Variants in GRIN2A observed in about 807,000 individuals in gnomAD.
GRIN2A encodes glutamate ionotropic receptor NMDA type subunit 2A, also known as glutamate receptor ionotropic, NMDA 2A.
In GRIN2A, 22 loss-of-function variants were observed where a neutral mutation model predicts 113.4. The observed-to-expected ratio is 0.19, with a 90% CI of 0.14 to 0.28. GRIN2A has a LOEUF of 0.28. Among genes scored for constraint, GRIN2A ranks in the 10% least tolerant of loss-of-function variants. The pLI, the probability that GRIN2A is intolerant of heterozygous loss-of-function variation, is 1.00. For synonymous variants in GRIN2A, 827 were observed against 738.4 expected, an observed-to-expected ratio of 1.12 and a Z score of -1.94; for missense variants, 1,502 against 1,887.0, an observed-to-expected ratio of 0.80 and a Z score of 3.78.
chr16:9,914,611 T>C (rs572265473), intron 3 of GRIN2A, among the ~76,000 whole-genome samples: 1 of 152,160 alleles, frequency 6.6e-6, no homozygotes, highest in Non-Finnish European at 1.5e-5. Context: ...GGCTCAGAAG[T>C]TAGGCTTATT....
At chr16:9,821,077 C>T (rs373685391) in intron 10 of GRIN2A, among the ~76,000 whole-genome samples, 8 of 152,034 alleles carry the variant, frequency 5.3e-5, no homozygotes, top group Middle Eastern at 3.2e-3. Flanking sequence ...TCTGTCTCCC[C>T]CTACCAGACA....
At chr16:9,982,125 C>T (rs758124800) in intron 2 of GRIN2A, among the ~76,000 whole-genome samples, 5 of 152,080 alleles carry the variant, frequency 3.3e-5, no homozygotes, top group African/African-American at 7.2e-5. Context: ...TATTTCATTG[C>T]ATTTTTGGTT....
At chr16:9,969,858 G>A (rs890798062) in intron 2 of GRIN2A, among the ~76,000 whole-genome samples, 1 of 152,216 alleles carries the variant, frequency 6.6e-6, no homozygotes, top group African/African-American at 2.4e-5. Flanking sequence ...GAATTCCACT[G>A]CTGAACAACT....
intron 5 of GRIN2A, among the ~76,000 whole-genome samples, chr16:9,842,983 G>T (rs1359855204): frequency 7.0e-6 from 1 of 142,750 alleles, no homozygotes; most frequent in Non-Finnish European, 1.5e-5. Flanking sequence ...AAGAAAGAAA[G>T]AAAGAAAGAA....
chr16:9,920,905 T>G (rs1292333390), intron 3 of GRIN2A, among the ~76,000 whole-genome samples: 4 of 152,192 alleles, frequency 2.6e-5, no homozygotes, highest in Non-Finnish European at 5.9e-5. Context: ...CTTTCTACCT[T>G]TTATTTCCTT....
rs565023102 is a variant in GRIN2A at position 10,146,219 on chromosome 16, G to A, written c.414+33779C>T. On this transcript the variant is annotated intron_variant, in intron 2 of 12. Coordinates refer to ENST00000330684, the MANE Select transcript of GRIN2A (RefSeq NM_001134407.3). ...TGCAACCTCCACCTCCCGGGTTCAAGCAATTCTCCTGCCTCAGCCTCCTGA... is the reference window on the plus strand; with the variant it reads ...TGCAACCTCCACCTCCCGGGTTCAAACAATTCTCCTGCCTCAGCCTCCTGA... 4.6e-5 allele frequency among the ~76,000 whole-genome samples: 7 copies of A among 152,264 alleles called. No homozygotes were observed. In the East Asian group the frequency reaches 1.4e-3, roughly 29 times the overall value.
chr16:10,143,452 A>C (rs539393707), intron 2 of GRIN2A, among the ~76,000 whole-genome samples: 3 of 152,310 alleles, frequency 2.0e-5, no homozygotes, highest in African/African-American at 7.2e-5. Context: ...AATGAAGCTT[A>C]AGTAGGTATT....
chr16:9,896,283 A>C (rs891842918), intron 3 of GRIN2A, among the ~76,000 whole-genome samples: 3 of 152,192 alleles, frequency 2.0e-5, no homozygotes, highest in African/African-American at 7.2e-5. Flanking sequence ...TCCTGACATC[A>C]AATGATCCAC....
chr16:9,926,744 G>A (rs768699570), intron 3 of GRIN2A, among the ~76,000 whole-genome samples: 1 of 152,156 alleles, frequency 6.6e-6, no homozygotes, highest in Non-Finnish European at 1.5e-5. Flanking sequence ...GGACTAAGGT[G>A]TACTGCGCAG....
At chr16:10,054,033 A>G (rs1567265552) in intron 2 of GRIN2A, among the ~76,000 whole-genome samples, 1 of 152,340 alleles carries the variant, frequency 6.6e-6, no homozygotes, top group East Asian at 1.9e-4. Flanking sequence ...ACATCCATAA[A>G]TGGATATATT....
rs574756676 is a variant in GRIN2A at position 9,968,559 on chromosome 16, C to T, written c.415-30008G>A. Among the ~76,000 whole-genome samples the T allele has an allele frequency of 2.0e-5, 3 of 152,148 alleles. No individual in the cohort carries two copies. In the South Asian group the frequency reaches 6.2e-4, roughly 32 times the overall value. Reference sequence around the variant, plus strand: ...AACTCCTGACCTCAGGTGATCCACCCACCTCGGCCTCCCAAAGTGCTGGAA... The same window carrying T: ...AACTCCTGACCTCAGGTGATCCACCTACCTCGGCCTCCCAAAGTGCTGGAA... On this transcript the variant is annotated intron_variant, in intron 2 of 12. Transcript: ENST00000330684.
intron 2 of GRIN2A, among the ~76,000 whole-genome samples, chr16:10,072,342 C>T (rs527864251): frequency 4.5e-4 from 68 of 152,296 alleles, no homozygotes; most frequent in African/African-American, 1.5e-3. Context: ...ACTTCCAAAT[C>T]CAGCTGACCT....
chr16:9,881,020 G>A (rs554937373), intron 4 of GRIN2A, among the ~76,000 whole-genome samples: 9 of 152,284 alleles, frequency 5.9e-5, no homozygotes, highest in African/African-American at 2.2e-4. Flanking sequence ...CATAGTGAGT[G>A]CTCAGGAAAT....
intron 2 of GRIN2A, among the ~76,000 whole-genome samples, chr16:10,138,209 T>A (rs983199405): frequency 9.9e-5 from 15 of 152,232 alleles, no homozygotes; most frequent in Admixed American, 9.2e-4. Context: ...TGGTTAACAC[T>A]GAAGACTCAG....
chr16:10,087,068 A>G (rs1441565036), intron 2 of GRIN2A, among the ~76,000 whole-genome samples: 1 of 152,220 alleles, frequency 6.6e-6, no homozygotes, highest in East Asian at 1.9e-4. Context: ...GAAGTCGATG[A>G]ATGCAGTGGC....
At chr16:9,828,345 T>C (rs1192376344) in intron 9 of GRIN2A, among the ~76,000 whole-genome samples, 1 of 152,162 alleles carries the variant, frequency 6.6e-6, no homozygotes, top group African/African-American at 2.4e-5. Context: ...AATGACTCCA[T>C]CTTTAACCCC....
At chr16:10,165,357 C>A (rs1351488412) in intron 2 of GRIN2A, among the ~76,000 whole-genome samples, 2 of 151,704 alleles carry the variant, frequency 1.3e-5, no homozygotes, top group Non-Finnish European at 2.9e-5. Flanking sequence ...TAGCAGTTGT[C>A]TGTGGATGCT....
At chr16:10,017,140 G>A (rs1170250327) in intron 2 of GRIN2A, among the ~76,000 whole-genome samples, 2 of 152,190 alleles carry the variant, frequency 1.3e-5, no homozygotes, top group East Asian at 3.8e-4. Context: ...CAAGTGAAAT[G>A]GCCTACAAGC....
chr16:9,924,012 A>G (rs2044405658), intron 3 of GRIN2A, among the ~76,000 whole-genome samples: 1 of 150,560 alleles, frequency 6.6e-6, no homozygotes, highest in Non-Finnish European at 1.5e-5. Flanking sequence ...CTGTAATCCC[A>G]GCTACTCAGG....
Sources: allele counts gnomAD v4.1 joint callset (sites outside exome capture counted in the v4.1 genomes callset), GRCh38; gene constraint gnomAD v4.1.1; transcripts MANE v1.5; gene names NCBI Gene and HGNC (gene_info 2026-07-23, HGNC 2026-07-21).